BRF1: variants seen among roughly 807,000 people sequenced by gnomAD.
BRF1 encodes transcription factor IIIB 90 kDa subunit.
A neutral mutation model predicts 81.7 loss-of-function variants in BRF1; 59 were observed. The ratio of observed to expected loss-of-function variants is 0.72; its 90% CI spans 0.59 to 0.90. The LOEUF (loss-of-function observed/expected upper bound fraction) is 0.90. Among genes scored for constraint, BRF1 ranks in the 40% least tolerant of loss-of-function variants. The probability of loss-of-function intolerance (pLI) is 0.00; values close to 1 mark genes in which losing one functional copy is unlikely to be tolerated. For missense variants in BRF1, 1,050 were observed against 936.3 expected, an observed-to-expected ratio of 1.12 and a Z score of -1.58; for synonymous variants, 491 against 395.6, an observed-to-expected ratio of 1.24 and a Z score of -2.86.
At chr14:105,300,088 A>G (rs990000689) in intron 1 of BRF1, among the ~76,000 whole-genome samples, 5 of 152,210 alleles carry the variant, frequency 3.3e-5, no homozygotes, top group Non-Finnish European at 5.9e-5. Context: ...GGCAGCAGCA[A>G]TCGGATTCTA....
chr14:105,220,019 C>T, intron 12 of BRF1, 50 bp downstream of exon 12: 1 of 1,600,496 alleles, frequency 6.2e-7, no homozygotes, highest in South Asian at 1.1e-5. Context: ...CCTTGGGCTG[C>T]AGCGCCCTCC....
At chr14:105,242,214 A>G (rs2140204339) in intron 5 of BRF1, 1 of 152,336 alleles carries the variant, frequency 6.6e-6, no homozygotes, top group Non-Finnish European at 1.5e-5. Flanking sequence ...CCCTGATGTG[A>G]CTGTTACACA....
At chr14:105,252,079 C>T (rs1053242151) in intron 5 of BRF1, among the ~76,000 whole-genome samples, 2 of 152,154 alleles carry the variant, frequency 1.3e-5, no homozygotes, top group African/African-American at 4.8e-5. Context: ...TCCCTTAAAC[C>T]TTGTCCACAC....
At chr14:105,278,193 T>C (rs587748941) in intron 2 of BRF1, among the ~76,000 whole-genome samples, 6 of 152,286 alleles carry the variant, frequency 3.9e-5, no homozygotes, top group Admixed American at 2.6e-4. Flanking sequence ...CTCATGCCTG[T>C]AGTAATCCCA....
intron 1 of BRF1, among the ~76,000 whole-genome samples, chr14:105,310,861 TATCA>T (rs781112440): frequency 9.2e-5 from 14 of 152,378 alleles, no homozygotes; most frequent in Admixed American, 3.3e-4. Flanking sequence ...ATTTGTATCC[TATCA>T]ATATTTTTCT....
chr14:105,246,861 A>G (rs2055150327), intron 5 of BRF1: 18 of 985,384 alleles, frequency 1.8e-5, no homozygotes, highest in Non-Finnish European at 2.2e-5. Flanking sequence ...CAAGACGCTG[A>G]CTACCTCTGG....
intron 5 of BRF1, among the ~76,000 whole-genome samples, chr14:105,243,300 A>AAAT (rs1304541352): frequency 6.6e-6 from 1 of 150,812 alleles, no homozygotes; most frequent in Admixed American, 6.6e-5. Context: ...AAAAAAAAAA[A>AAAT]TTAGCCGGGT....
At chr14:105,245,415 C>A (rs1185739920) in intron 5 of BRF1, among the ~76,000 whole-genome samples, 1 of 151,980 alleles carries the variant, frequency 6.6e-6, no homozygotes, top group Non-Finnish European at 1.5e-5. Context: ...ACTAAAATAA[C>A]AGAAAACTAA....
chr14:105,300,435 G>T lies in BRF1; in HGVS notation c.184+11C>A. The T allele has an allele frequency of 1.3e-6, 2 of 1,516,256 alleles. No homozygotes were observed. The highest frequency in any genetic ancestry group is 2.1e-5 in the Admixed American group (1 of 48,132). The allele number at this position is 1,516,256 out of a possible 1,614,324, so 93.9% of individuals were successfully genotyped here. On this transcript the variant is annotated intron_variant, in intron 1 of 17. Coordinates refer to ENST00000547530, the MANE Select transcript of BRF1 (RefSeq NM_001519.4). ...CGAGAAATCCGCGCAGCGCCAGCCC[G>T]CGGGACTCACCGTCCAGGGACACGA...
At chr14:105,290,174 C>T (rs1202981033) in intron 1 of BRF1, among the ~76,000 whole-genome samples, 1 of 152,136 alleles carries the variant, frequency 6.6e-6, no homozygotes. Context: ...AACCCCAGCA[C>T]TTTGGGAGGC....
Position 105,210,425 on chromosome 14 carries a change from C to T in BRF1, c.*126G>A. 9.8e-7 allele frequency: 1 copy of T among 1,016,118 alleles called. No homozygotes were observed. Among genetic ancestry groups the T allele is most frequent in the Non-Finnish European group, 1.5e-6 (1 of 685,918 alleles). The allele number at this position is 1,016,118 out of a possible 1,614,324, so 62.9% of individuals were successfully genotyped here. A position where few individuals can be genotyped will look rare whatever the true frequency, so the allele number is the denominator to read the frequency against. On this transcript the variant is annotated 3_prime_UTR_variant, in exon 18 of 18. Coordinates refer to ENST00000547530, the MANE Select transcript of BRF1 (RefSeq NM_001519.4). The surrounding 1 kb of genome is among the most constrained non-coding windows in gnomAD (Gnocchi z 4.7). ...TCCACATGGGACGAGGGCTGTGGGA[C>T]AGGTGCCACCTGTCACCAGGAGTCT...
At chr14:105,220,197 T>C in intron 11 of BRF1, 67 bp from the exon 12 acceptor site, 2 of 1,594,124 alleles carry the variant, frequency 1.3e-6, no homozygotes, top group Non-Finnish European at 1.7e-6. Flanking sequence ...GGCCACCACC[T>C]GGGCTGGCTC....
Position 105,315,163 on chromosome 14 carries a change from C to G in BRF1, c.-162+159G>C. The G allele has an allele frequency of 1.0e-5, 5 of 492,386 alleles. No individual in the cohort carries two copies. The highest frequency in any genetic ancestry group is 1.3e-5 in the Non-Finnish European group (5 of 371,072). The allele number at this position is 492,386 out of a possible 1,614,324, so 30.5% of individuals were successfully genotyped here. A position where few individuals can be genotyped will look rare whatever the true frequency, so the allele number is the denominator to read the frequency against. ...GAGCCCAGGTCGCCCCCCGCGCCCCCGCCCGCCGGTTCGACGCGTGCAGCC... is the reference window on the plus strand; with the variant it reads ...GAGCCCAGGTCGCCCCCCGCGCCCCGGCCCGCCGGTTCGACGCGTGCAGCC... On this transcript the variant is annotated intron_variant, in intron 1 of 17. Coordinates refer to the BRF1 transcript ENST00000327359. This position sits in a 1 kb window ranked among gnomAD's most constrained non-coding sequence, Gnocchi z 4.4.
intron 5 of BRF1, chr14:105,250,514 G>A (rs755078135): frequency 1.2e-6 from 2 of 1,614,086 alleles, no homozygotes; most frequent in Non-Finnish European, 1.7e-6. Flanking sequence ...CACGGCCAGT[G>A]CCGTCCTGGA....
intron 1 of BRF1, among the ~76,000 whole-genome samples, chr14:105,313,460 G>A (rs1306922115): frequency 2.0e-5 from 3 of 152,232 alleles, no homozygotes; most frequent in Non-Finnish European, 4.4e-5. Context: ...CCAGGGGCGC[G>A]TGGGAAACAC....
In BRF1 at chr14:105,250,804, T is replaced by C. The variant is rs1468063568; in HGVS notation, c.544+1703A>G. The C allele has an allele frequency of 1.0e-5, 10 of 986,252 alleles. No individual in the cohort carries two copies. In the African/African-American group the frequency reaches 1.5e-4, roughly 15 times the overall value. The allele number at this position is 986,252 out of a possible 1,614,324, so 61.1% of individuals were successfully genotyped here. Reference sequence around the variant, plus strand: ...GACATGTAGTCAGCTGAAGCTTGACTGTGTAGAGACATTTTCCACACAGCC... The same window carrying C: ...GACATGTAGTCAGCTGAAGCTTGACCGTGTAGAGACATTTTCCACACAGCC... On this transcript the variant is annotated intron_variant, in intron 5 of 17. Coordinates refer to ENST00000547530, the MANE Select transcript of BRF1 (RefSeq NM_001519.4).
chr14:105,212,080 G>A lies in BRF1; in HGVS notation c.1824+33C>T, dbSNP rs766946634. On this transcript the variant is annotated intron_variant, in intron 16 of 17. Transcript: ENST00000547530. ...AGGAAGAAGTGGGCTGCCTCCCAAG[G>A]TCTCCCTGCCCTGGCTGCGTGGGAC... The A allele has an allele frequency of 5.0e-6, 8 of 1,609,328 alleles. No homozygotes were observed. In the Admixed American group the frequency reaches 1.3e-4, roughly 27 times the overall value.
In BRF1 at chr14:105,217,763, G is replaced by A; in HGVS notation, c.1553C>T (p.Ala518Val). ...KSCKRREPIQ[A>V]STAREAIEKM... ...CTCGATGGCCTCCCTGGCGGTACTG[G>A]CCTGAATTGGCTCCCGTCGCTTGCA... Residue 518 changes from alanine to valine, a missense_variant, in exon 15 of 18, where the codon GCC (alanine) becomes GTC (valine). By Grantham distance (64) the Ala-to-Val change is moderately conservative. Coordinates refer to ENST00000547530, the MANE Select transcript of BRF1 (RefSeq NM_001519.4). The A allele has an allele frequency of 1.2e-6, 2 of 1,613,206 alleles. No individual in the cohort carries two copies. The highest frequency in any genetic ancestry group is 1.7e-6 in the Non-Finnish European group (2 of 1,179,916).
chr14:105,225,925 C>T lies in BRF1; in HGVS notation c.1048+144G>A, dbSNP rs587673755. The T allele has an allele frequency of 3.6e-3, 2,923 of 815,076 alleles. 14 individuals carry two copies. Among genetic ancestry groups the T allele is most frequent in the Non-Finnish European group, 3.7e-3 (1,990 of 530,826 alleles). 50.5% of individuals were successfully genotyped at this position (815,076 alleles called of 1,614,324 possible). ...CCTCCTAAAGTGCTGGGATTACAGG[C>T]GTGAGCCACCCTGCCCGGTGGTAAA... On this transcript the variant is annotated intron_variant, in intron 10 of 17. Coordinates refer to ENST00000547530, the MANE Select transcript of BRF1 (RefSeq NM_001519.4).
Sources: allele counts gnomAD v4.1 joint callset (sites outside exome capture counted in the v4.1 genomes callset), GRCh38; gene constraint gnomAD v4.1.1; non-coding constraint Gnocchi (gnomAD v3.1); transcripts MANE v1.5; gene names NCBI Gene and HGNC (gene_info 2026-07-23, HGNC 2026-07-21).